The following ZNF469 variants were observed in gnomAD, a reference collection of about 807,000 sequenced individuals.
ZNF469 encodes the protein zinc finger protein 469.
ZNF469 carries 1 observed loss-of-function variant against 1.0 expected under a neutral mutation model. The ratio of observed to expected loss-of-function variants is 1.00; its 90% CI spans 0.35 to 4.73. The LOEUF (loss-of-function observed/expected upper bound fraction) is 4.73, where lower values mean the gene tolerates loss of function less well. Ranked by LOEUF, ZNF469 falls within the 30% of genes most tolerant of loss-of-function variation. ZNF469 has a pLI of 0.16. For missense variants in ZNF469, 6,100 were observed against 5,356.3 expected (o/e 1.14, Z -4.33); for synonymous variants, 2,703 against 2,363.4 (o/e 1.14, Z -4.17).
the ZNF469 span, among the ~76,000 whole-genome samples, chr16:88,188,586 G>T: frequency 6.6e-6 from 1 of 152,160 alleles, no homozygotes; most frequent in Non-Finnish European, 1.5e-5. Flanking sequence ...TTCAACCTGG[G>T]TCCCCAGGCA....
At chr16:88,333,683 G>A in the ZNF469 span, among the ~76,000 whole-genome samples, 2 of 137,518 alleles carry the variant, frequency 1.5e-5, no homozygotes, top group South Asian at 4.9e-4. Flanking sequence ...TGTGGCCGGG[G>A]CTGCCTGCCC....
chr16:88,126,199 A>G, the ZNF469 span, among the ~76,000 whole-genome samples: 1 of 148,630 alleles, frequency 6.7e-6, no homozygotes. Context: ...AAAAAAAAAA[A>G]AAAAAAAAAA....
chr16:88,438,934 G>A lies in ZNF469; in HGVS notation c.11464G>A (p.Val3822Ile), dbSNP rs950210847. The change falls in exon 3 of 3, where the codon GTC becomes ATC. Residue 3822 changes from valine to isoleucine, a missense_variant. By Grantham distance (29) the Val-to-Ile change is conservative. Transcript: ENST00000565624. Reference sequence around the variant, plus strand: ...CAGTACGAAGAGGAAAAAGGGCCAGGTCCCAGGGCCAGCCAGGAGTGAAAG... The same window carrying A: ...CAGTACGAAGAGGAAAAAGGGCCAGATCCCAGGGCCAGCCAGGAGTGAAAG... ...ESSTKRKKGQ[V>I]PGPARSESVG... 8.5e-5 allele frequency: 132 copies of A among 1,550,452 alleles called. No individual in the cohort carries two copies. The highest frequency in any genetic ancestry group is 1.1e-4 in the Non-Finnish European group (126 of 1,146,994).
intron 1 of ZNF469, among the ~76,000 whole-genome samples, chr16:88,407,811 G>A (rs1377391793): frequency 6.6e-6 from 1 of 152,264 alleles, no homozygotes; most frequent in Non-Finnish European, 1.5e-5. Context: ...GGCATCTCCT[G>A]TGGAGCCCTG....
rs780254370 is a variant in ZNF469 at position 88,440,655 on chromosome 16, G to C, written c.*1323G>C. 2 of 152,136 alleles carry C rather than the reference G, an allele frequency of 1.3e-5. No homozygotes were observed. The highest frequency in any genetic ancestry group is 1.3e-4 in the Admixed American group (2 of 15,276). 9.4% of individuals were successfully genotyped at this position (152,136 alleles called of 1,614,324 possible). A position where few individuals can be genotyped will look rare whatever the true frequency, so the allele number is the denominator to read the frequency against. Reference sequence around the variant, plus strand: ...GTTGTAGGCCATTCAAAACGCCTCCGGAGTGTCGCAAACCAAGTGCGGAGG... The same window carrying C: ...GTTGTAGGCCATTCAAAACGCCTCCCGAGTGTCGCAAACCAAGTGCGGAGG... On this transcript the variant is annotated 3_prime_UTR_variant, in exon 3 of 3. Transcript: ENST00000565624.
the ZNF469 span, among the ~76,000 whole-genome samples, chr16:88,203,464 T>C: frequency 3.4e-5 from 5 of 148,534 alleles, no homozygotes; most frequent in South Asian, 1.1e-3. Flanking sequence ...CTCCCGGAGC[T>C]GCGGCATCAA....
chr16:88,134,079 C>G, the ZNF469 span, among the ~76,000 whole-genome samples: 2 of 147,888 alleles, frequency 1.4e-5, no homozygotes, highest in Admixed American at 1.4e-4. Flanking sequence ...GCCTGGGCAA[C>G]AGAGCGAGTC....
the ZNF469 span, among the ~76,000 whole-genome samples, chr16:88,232,939 G>T: frequency 1.1e-4 from 16 of 152,346 alleles, no homozygotes; most frequent in East Asian, 2.7e-3. Flanking sequence ...CCGCCGCCTA[G>T]CAGGCCTGCA....
At chr16:88,220,294 C>A in the ZNF469 span, among the ~76,000 whole-genome samples, 1 of 152,158 alleles carries the variant, frequency 6.6e-6, no homozygotes, top group Non-Finnish European at 1.5e-5. Context: ...TTGGAAGATA[C>A]CCAGTGTGCA....
chr16:88,153,275 G>T, the ZNF469 span, among the ~76,000 whole-genome samples: 1 of 152,170 alleles, frequency 6.6e-6, no homozygotes, highest in Non-Finnish European at 1.5e-5. Flanking sequence ...CGCCTTCGTG[G>T]GGGGCCTGCG....
the ZNF469 span, among the ~76,000 whole-genome samples, chr16:88,283,986 G>A: frequency 9.0e-5 from 3 of 33,516 alleles, no homozygotes; most frequent in African/African-American, 4.0e-4. Flanking sequence ...GGTAGACCCC[G>A]AGTGTGCCCG....
chr16:88,224,352 G>A, the ZNF469 span, among the ~76,000 whole-genome samples: 1 of 152,248 alleles, frequency 6.6e-6, no homozygotes, highest in African/African-American at 2.4e-5. Flanking sequence ...GGCCCCGCAG[G>A]TGGTGAGTGA....
the ZNF469 span, among the ~76,000 whole-genome samples, chr16:88,236,726 G>A: frequency 6.6e-6 from 1 of 152,026 alleles, no homozygotes; most frequent in South Asian, 2.1e-4. Flanking sequence ...AATTAGCCGG[G>A]CGTGGTGGGG....
the ZNF469 span, among the ~76,000 whole-genome samples, chr16:88,290,067 A>G: frequency 1.3e-5 from 2 of 152,220 alleles, no homozygotes; most frequent in Non-Finnish European, 2.9e-5. Context: ...CAGAGCTCAG[A>G]CAGCAGCGAT....
intron 1 of ZNF469, among the ~76,000 whole-genome samples, chr16:88,393,625 G>T (rs952880809): frequency 2.6e-5 from 4 of 152,138 alleles, no homozygotes; most frequent in Non-Finnish European, 4.4e-5. Flanking sequence ...GAGGGGTTCG[G>T]GTGGGGGTCA....
the ZNF469 span, among the ~76,000 whole-genome samples, chr16:88,130,639 G>T: frequency 1.5e-4 from 23 of 148,622 alleles, no homozygotes; most frequent in Non-Finnish European, 1.8e-4. Flanking sequence ...CTGGGAGGCA[G>T]AGGTTGCAGT....
the ZNF469 span, among the ~76,000 whole-genome samples, chr16:88,173,011 G>T: frequency 1.3e-5 from 2 of 152,212 alleles, no homozygotes; most frequent in African/African-American, 4.8e-5. Context: ...TGTAACTGGA[G>T]ATCTAGAAAG....
the ZNF469 span, among the ~76,000 whole-genome samples, chr16:88,292,246 T>C: frequency 6.6e-6 from 1 of 152,088 alleles, no homozygotes; most frequent in Non-Finnish European, 1.5e-5. Context: ...GCAGGGGCCT[T>C]GACCAGACAG....
At chr16:88,378,356 C>A (rs1044574743), upstream of ZNF469, among the ~76,000 whole-genome samples, 5 of 152,220 alleles carry the variant, frequency 3.3e-5, no homozygotes, top group African/African-American at 1.2e-4. Flanking sequence ...TTCCAGAAAT[C>A]CCAGGCTGGT....
Sources: gnomAD v4.1 joint callset for allele counts (sites outside exome capture counted in the v4.1 genomes callset) on GRCh38, gnomAD v4.1.1 for gene constraint, MANE v1.5 for transcripts, NCBI Gene and HGNC (gene_info 2026-07-23, HGNC 2026-07-21) for gene names.